The following FBXL4 variants were observed in gnomAD, a reference collection of about 807,000 sequenced individuals.
FBXL4 encodes the protein F-box/LRR-repeat protein 4.
In FBXL4, 40 loss-of-function variants were observed where a neutral mutation model predicts 58.9. The ratio of observed to expected loss-of-function variants is 0.68; its 90% CI spans 0.53 to 0.88. The LOEUF (loss-of-function observed/expected upper bound fraction) is 0.88. Ranked by LOEUF, FBXL4 falls within the 40% of genes least tolerant of loss-of-function variation. FBXL4 has a pLI of 0.00. For missense variants in FBXL4, 676 were observed against 734.4 expected (o/e 0.92, Z 0.92); for synonymous variants, 263 against 265.5 (o/e 0.99, Z 0.09).
intron 7 of FBXL4, chr6:98,896,818 C>T: frequency 1.0e-6 from 1 of 982,108 alleles, no homozygotes; most frequent in Non-Finnish European, 1.2e-6. Context: ...AGAGCTTATG[C>T]TATCTAGACC....
chr6:98,880,001 A>G (rs1325724165), intron 8 of FBXL4, among the ~76,000 whole-genome samples: 2 of 151,780 alleles, frequency 1.3e-5, no homozygotes, highest in Non-Finnish European at 2.9e-5. Context: ...CTAGTCCAAC[A>G]GTCCCTAGGC....
chr6:98,898,530 G>A (rs191412173), intron 7 of FBXL4: 2 of 890,784 alleles, frequency 2.2e-6, no homozygotes, highest in African/African-American at 3.6e-5. Context: ...GCTTGAACTG[G>A]TCAGGCGGAG....
intron 1 of FBXL4, among the ~76,000 whole-genome samples, chr6:98,940,215 C>G (rs769868906): frequency 5.3e-5 from 8 of 152,010 alleles, no homozygotes; most frequent in Non-Finnish European, 1.0e-4. Context: ...CTAGGCTACA[C>G]AATTTGCAAG....
Position 98,885,739 on chromosome 6 carries a change from G to A in FBXL4, c.1318-5115C>T, listed in dbSNP as rs140982947. ...GGTTTCCAGCTTGCCAATTCGTCCT[G>A]CAGATTTTGAGACTTGCCAGCCTCA... On this transcript the variant is annotated intron_variant, in intron 7 of 9. Transcript: ENST00000369244. Among the ~76,000 whole-genome samples, 260 of 152,268 alleles carry A rather than the reference G, an allele frequency of 1.7e-3. 1 individual carries two copies. The highest frequency in any genetic ancestry group is 5.7e-3 in the African/African-American group (239 of 41,568).
intron 6 of FBXL4, among the ~76,000 whole-genome samples, chr6:98,904,789 AG>A (rs1248318774): frequency 6.6e-6 from 1 of 152,190 alleles, no homozygotes; most frequent in African/African-American, 2.4e-5. Flanking sequence ...TTGTATCCTA[AG>A]AAAAAATTAC....
intron 5 of FBXL4, among the ~76,000 whole-genome samples, chr6:98,909,154 C>G (rs1771933300): frequency 6.6e-6 from 1 of 152,192 alleles, no homozygotes; most frequent in Non-Finnish European, 1.5e-5. Flanking sequence ...TCTGCAAAGT[C>G]TAAAGTATCT....
intron 4 of FBXL4, among the ~76,000 whole-genome samples, chr6:98,918,995 T>C (rs1413015359): frequency 6.6e-6 from 1 of 151,836 alleles, no homozygotes; most frequent in Non-Finnish European, 1.5e-5. Context: ...CCTGGCCCAA[T>C]GACCTACTGA....
intron 1 of FBXL4, among the ~76,000 whole-genome samples, chr6:98,939,864 C>T (rs1773368580): frequency 6.6e-6 from 1 of 152,202 alleles, no homozygotes; most frequent in Non-Finnish European, 1.5e-5. Context: ...AGACAAACTG[C>T]TCATGTGTCG....
chr6:98,886,411 T>C (rs902130638), intron 7 of FBXL4, among the ~76,000 whole-genome samples: 1 of 152,178 alleles, frequency 6.6e-6, no homozygotes, highest in African/African-American at 2.4e-5. Flanking sequence ...AATTTAGTAA[T>C]CCTGTGTCCA....
At chr6:98,934,069 T>C (rs1295936831) in intron 2 of FBXL4, among the ~76,000 whole-genome samples, 1 of 152,138 alleles carries the variant, frequency 6.6e-6, no homozygotes, top group Non-Finnish European at 1.5e-5. Flanking sequence ...CAAAAGCAGC[T>C]TCTGAATACA....
intron 1 of FBXL4, among the ~76,000 whole-genome samples, chr6:98,946,548 A>G (rs1004691406): frequency 6.6e-6 from 1 of 152,232 alleles, no homozygotes; most frequent in Non-Finnish European, 1.5e-5. Flanking sequence ...TGCAAGTACC[A>G]TATGTACCAT....
At chr6:98,885,303 T>C (rs1770998740) in intron 7 of FBXL4, among the ~76,000 whole-genome samples, 1 of 152,176 alleles carries the variant, frequency 6.6e-6, no homozygotes, top group Admixed American at 6.5e-5. Context: ...GGTTTCACCA[T>C]GTTGGCCAGG....
intron 5 of FBXL4, among the ~76,000 whole-genome samples, chr6:98,913,312 G>T (rs1056715371): frequency 3.3e-5 from 5 of 151,918 alleles, no homozygotes; most frequent in African/African-American, 9.7e-5. Flanking sequence ...AACTCAGCTC[G>T]GCATCAAGCG....
chr6:98,935,386 A>G (rs892112242), intron 1 of FBXL4, among the ~76,000 whole-genome samples: 1 of 151,766 alleles, frequency 6.6e-6, no homozygotes, highest in Non-Finnish European at 1.5e-5. Context: ...AAAAGAAAGG[A>G]TATGTTTCTA....
rs190691764 is a variant in FBXL4 at position 98,911,173 on chromosome 6, G to A, written c.859-5503C>T. ...GCTCACTTAGGTAAACAAAGCAGCCGGGAAGCTCAAACTGGGTGGAGCCCA... is the reference window on the plus strand; with the variant it reads ...GCTCACTTAGGTAAACAAAGCAGCCAGGAAGCTCAAACTGGGTGGAGCCCA... On this transcript the variant is annotated intron_variant, in intron 5 of 9. Coordinates refer to ENST00000369244, the MANE Select transcript of FBXL4 (RefSeq NM_001278716.2). Among the ~76,000 whole-genome samples the A allele has an allele frequency of 2.8e-3, 431 of 152,300 alleles. 3 individuals are homozygous for A. Among genetic ancestry groups the A allele is most frequent in the Middle Eastern group, 6.8e-3 (2 of 294 alleles).
chr6:98,905,779 A>G (rs2128393414), intron 5 of FBXL4, 109 bp from the exon 6 acceptor site: 4 of 1,059,804 alleles, frequency 3.8e-6, no homozygotes, highest in East Asian at 2.6e-5. Context: ...TTTTATAACA[A>G]TATTTTCACA....
intron 2 of FBXL4, among the ~76,000 whole-genome samples, chr6:98,929,571 CA>C (rs1169039097): frequency 4.1e-3 from 373 of 90,706 alleles, no homozygotes; most frequent in Non-Finnish European, 6.4e-3. Context: ...AACTCCGTCT[CA>C]AAAAAAAAAA....
chr6:98,890,691 G>A (rs977355212), intron 7 of FBXL4, among the ~76,000 whole-genome samples: 17 of 152,122 alleles, frequency 1.1e-4, no homozygotes, highest in Non-Finnish European at 1.6e-4. Flanking sequence ...GGCTGAGGCC[G>A]GCAGATCACT....
chr6:98,946,134 A>G (rs1179742590), intron 1 of FBXL4, among the ~76,000 whole-genome samples: 1 of 152,196 alleles, frequency 6.6e-6, no homozygotes, highest in Non-Finnish European at 1.5e-5. Flanking sequence ...TTATAAACCT[A>G]GAGCAATAAG....
Sources: allele counts gnomAD v4.1 joint callset (sites outside exome capture counted in the v4.1 genomes callset), GRCh38; gene constraint gnomAD v4.1.1; transcripts MANE v1.5; gene names NCBI Gene and HGNC (gene_info 2026-07-23, HGNC 2026-07-21).